TEKT5: variants seen among roughly 807,000 people sequenced by gnomAD.
TEKT5 encodes the protein tektin-5.
TEKT5 carries 52 observed loss-of-function variants against 48.7 expected under a neutral mutation model. The ratio of observed to expected loss-of-function variants is 1.07; its 90% CI spans 0.86 to 1.35. The LOEUF is 1.35. Among genes scored for constraint, TEKT5 ranks in the 40% most tolerant of loss-of-function variants. TEKT5 has a pLI of 0.00. For synonymous variants in TEKT5, 318 were observed against 267.6 expected (o/e 1.19, Z -1.84); for missense variants, 831 against 641.6 (o/e 1.30, Z -3.19).
Position 10,682,080 on chromosome 16 carries a change from G to T in TEKT5, c.776C>A (p.Ala259Asp). Residue 259 changes from alanine to aspartate, a missense_variant, in exon 4 of 7, where the codon GCC becomes GAC. Physicochemically the swap from Ala to Asp is moderately radical, Grantham distance 126. Coordinates refer to ENST00000283025, the MANE Select transcript of TEKT5 (RefSeq NM_144674.2). Reference sequence around the variant, plus strand: ...AAAGCACTTCTCATCGATACACTGGGCCGAGCTTTTGTCTTCGAGGTCCCT... The same window carrying T: ...AAAGCACTTCTCATCGATACACTGGTCCGAGCTTTTGTCTTCGAGGTCCCT... ...LERDLEDKSS[A>D]QCIDEKCFNL... 8 of 1,614,178 alleles carry T rather than the reference G, an allele frequency of 5.0e-6. No homozygotes were observed. The highest frequency in any genetic ancestry group is 6.8e-6 in the Non-Finnish European group (8 of 1,180,032).
chr16:10,681,888 C>T (rs757850812), intron 4 of TEKT5, 105 bp downstream of exon 4: 9 of 1,443,090 alleles, frequency 6.2e-6, no homozygotes, highest in Non-Finnish European at 3.8e-6. Flanking sequence ...ATGCCACTTC[C>T]CACTTAACTG....
chr16:10,692,634 G>C (rs1195260985), intron 1 of TEKT5: 2 of 152,262 alleles, frequency 1.3e-5, no homozygotes, highest in East Asian at 3.9e-4. Context: ...TGAGAGTGCT[G>C]GCTAATAGGC....
At chr16:10,686,870 T>C (rs1898869981) in intron 3 of TEKT5, among the ~76,000 whole-genome samples, 2 of 152,088 alleles carry the variant, frequency 1.3e-5, no homozygotes, top group South Asian at 4.1e-4. Flanking sequence ...AAAGAAAAGG[T>C]GGCATGTATA....
chr16:10,653,212 C>A (rs1164773118), intron 5 of TEKT5, among the ~76,000 whole-genome samples: 1 of 152,234 alleles, frequency 6.6e-6, no homozygotes, highest in East Asian at 1.9e-4. Context: ...TCCTGGCATC[C>A]TGGGTCTGGC....
chr16:10,636,267 C>T (rs1897912183), intron 5 of TEKT5, among the ~76,000 whole-genome samples: 1 of 151,762 alleles, frequency 6.6e-6, no homozygotes, highest in Non-Finnish European at 1.5e-5. Flanking sequence ...CCCAGCTACT[C>T]GGGGGACCGA....
intron 5 of TEKT5, among the ~76,000 whole-genome samples, chr16:10,669,263 T>C (rs930723862): frequency 9.9e-5 from 15 of 151,592 alleles, no homozygotes; most frequent in Admixed American, 8.6e-4. Flanking sequence ...AAGACCAGCC[T>C]GGCCACCATG....
rs548162874 is a variant in TEKT5, at chr16:10,662,978, A to T, written c.1086+12981T>A. 2.0e-5 allele frequency among the ~76,000 whole-genome samples: 3 copies of T among 152,320 alleles called. No homozygotes were observed. The South Asian group carries it at 6.2e-4, about 32-fold the overall frequency. Reference sequence around the variant, plus strand: ...GGCTTGCAGCAGGATGGAAAACTCAATTATGATCACCCACTCTCACCCCCT... The same window carrying T: ...GGCTTGCAGCAGGATGGAAAACTCATTTATGATCACCCACTCTCACCCCCT... On this transcript the variant is annotated intron_variant, in intron 5 of 6. Transcript: ENST00000283025.
At chr16:10,680,456 G>C (rs9926356) in intron 4 of TEKT5, among the ~76,000 whole-genome samples, 45,332 of 140,824 alleles carry the variant, frequency 0.32, 7,733 homozygotes, top group East Asian at 0.66. Flanking sequence ...ATGTGCTAGG[G>C]ATTTTTTTTT....
intron 2 of TEKT5, 41 bp downstream of exon 2, chr16:10,689,901 G>C (rs772732803): frequency 6.2e-7 from 1 of 1,602,516 alleles, no homozygotes; most frequent in Non-Finnish European, 8.5e-7. Flanking sequence ...TGGCCTTCCC[G>C]CCTCCTTCAG....
At chr16:10,652,473 C>G (rs1898175332) in intron 5 of TEKT5, among the ~76,000 whole-genome samples, 1 of 145,930 alleles carries the variant, frequency 6.9e-6, no homozygotes. Flanking sequence ...CACACACACA[C>G]ACACACACAC....
chr16:10,683,803 G>C lies in TEKT5; in HGVS notation c.720-1667C>G, dbSNP rs1222109244. 2.0e-5 allele frequency among the ~76,000 whole-genome samples: 3 copies of C among 152,290 alleles called. No individual in the cohort carries two copies. The East Asian group carries it at 5.8e-4, about 29-fold the overall frequency. On this transcript the variant is annotated intron_variant, in intron 3 of 6. Coordinates refer to ENST00000283025, the MANE Select transcript of TEKT5 (RefSeq NM_144674.2). The stretch of plus-strand genomic sequence containing the variant: ...AGATGGGGTTTCATCATGTTAGCCA[G>C]GCTGGTCTTGAACTCCTGACCTCAG...
chr16:10,690,175 G>T, intron 1 of TEKT5, 150 bp from the exon 2 acceptor site: 1 of 703,544 alleles, frequency 1.4e-6, no homozygotes. Flanking sequence ...CATTGGATGG[G>T]CTTCTGCCTC....
At position 10,676,170 on chromosome 16, in the gene TEKT5, G is replaced by T. The variant is rs778623057; in HGVS notation, c.875C>A (p.Pro292His). 2.7e-5 allele frequency: 43 copies of T among 1,614,090 alleles called. No homozygotes were observed. Among genetic ancestry groups the T allele is most frequent in the Non-Finnish European group, 3.4e-5 (40 of 1,180,038 alleles). Residue 292 changes from proline (P) to histidine (H), a missense_variant, in exon 5 of 7, where the codon CCT becomes CAT. Transcript: ENST00000283025. The stretch of plus-strand genomic sequence containing the variant: ...GTTACTGAACTTGGCCCAGGTCTCA[G>T]GTACGGAGATCCTGCAAAGGCACAA... ...MEKIDGTISVPETWAKFSNDN... is the reference protein window; with the variant it reads ...MEKIDGTISVHETWAKFSNDN...
rs555937241 is a variant in TEKT5 at position 10,676,014 on chromosome 16, G to A, written c.1031C>T (p.Ala344Val). 1.2e-6 allele frequency: 2 copies of A among 1,614,224 alleles called. No individual in the cohort carries two copies. Among genetic ancestry groups the A allele is most frequent in the East Asian group, 4.5e-5 (2 of 44,886 alleles). Residue 344 changes from alanine to valine, a missense_variant, in exon 5 of 7, where the codon GCC becomes GTC. Physicochemically the swap from Ala to Val is moderately conservative, Grantham distance 64. Transcript: ENST00000283025. ...CACATCCGTCACCTCAGAGATGCGG[G>A]CGTTGAAGGCCAGGTTGGTGTCTGT... ...QFTDTNLAFNARISEVTDVKN... is the reference protein window; with the variant it reads ...QFTDTNLAFNVRISEVTDVKN...
chr16:10,680,047 G>C (rs1348481927), intron 4 of TEKT5, among the ~76,000 whole-genome samples: 1 of 152,214 alleles, frequency 6.6e-6, no homozygotes, highest in African/African-American at 2.4e-5. Flanking sequence ...GTCCCTCCTG[G>C]GTGTGGAAAT....
rs116735601 is a variant in TEKT5 at position 10,677,299 on chromosome 16, G to C, written c.864-1118C>G. 6.9e-3 allele frequency among the ~76,000 whole-genome samples: 1,016 copies of C among 148,178 alleles called. 190 individuals are homozygous for C. The highest frequency in any genetic ancestry group is 0.025 in the African/African-American group (959 of 38,196). ...GATGGAATACTCGGAAGGGTGTTGA[G>C]ATCGTCTGGGATTAGAAAATGTATG... is the stretch of plus-strand genomic sequence containing the variant. On this transcript the variant is annotated intron_variant, in intron 4 of 6. Transcript: ENST00000283025.
chr16:10,640,650 C>T (rs758011774), intron 5 of TEKT5, among the ~76,000 whole-genome samples: 4 of 152,204 alleles, frequency 2.6e-5, no homozygotes, highest in East Asian at 1.9e-4. Context: ...TAGGCAACCA[C>T]TGATCATAGA....
chr16:10,652,791 CACA>C (rs1898188185), intron 5 of TEKT5, among the ~76,000 whole-genome samples: 1 of 134,108 alleles, frequency 7.5e-6, no homozygotes. Flanking sequence ...CACACACACA[CACA>C]CCCTCCAGGC....
intron 4 of TEKT5, among the ~76,000 whole-genome samples, chr16:10,679,654 G>T (rs984331925): frequency 2.6e-5 from 4 of 152,024 alleles, no homozygotes; most frequent in African/African-American, 9.7e-5. Flanking sequence ...CAGAAATTTG[G>T]GAGGCCGAGG....
Sources: gnomAD v4.1 joint callset for allele counts (sites outside exome capture counted in the v4.1 genomes callset) on GRCh38, gnomAD v4.1.1 for gene constraint, MANE v1.5 for transcripts, NCBI Gene and HGNC (gene_info 2026-07-23, HGNC 2026-07-21) for gene names.